Variants in TMEM53 observed in about 807,000 individuals in gnomAD.
The protein encoded by TMEM53 is novel DUF829 domain-containing protein.
TMEM53 carries 14 observed loss-of-function variants against 21.4 expected under a neutral mutation model. The observed-to-expected ratio is 0.65, with a 90% CI of 0.43 to 1.02. The LOEUF is 1.02. TMEM53 is among the 50% of genes least tolerant of loss of function. The pLI is 0.00. For synonymous variants in TMEM53, 148 were observed against 157.4 expected, an observed-to-expected ratio of 0.94 and a Z score of 0.45; for missense variants, 323 against 383.6, an observed-to-expected ratio of 0.84 and a Z score of 1.32.
At chr1:44,659,144 A>G (rs1463731312) in intron 2 of TMEM53, among the ~76,000 whole-genome samples, 1 of 152,224 alleles carries the variant, frequency 6.6e-6, no homozygotes, top group Admixed American at 6.5e-5. Flanking sequence ...CTTCAAGCTC[A>G]GAACTACATT....
Position 44,655,071 on chromosome 1 carries a change from G to C in TMEM53, c.322C>G (p.Leu108Val). 6.2e-7 allele frequency: 1 copy of C among 1,614,224 alleles called. No homozygotes were observed. Among genetic ancestry groups the C allele is most frequent in the Non-Finnish European group, 8.5e-7 (1 of 1,180,038 alleles). Residue 108 changes from leucine (L) to valine (V), a missense_variant, in exon 3 of 3, where the codon CTC becomes GTC. Coordinates refer to ENST00000372237, the MANE Select transcript of TMEM53 (RefSeq NM_024587.4). The surrounding 1 kb of genome is among the most constrained non-coding windows in gnomAD (Gnocchi z 4.4). Reference sequence around the variant, plus strand: ...CCACCGTTGCTGAAGACATGGAAGAGCAGGGGCTCCTTCTCAATCTCATAA... The same window carrying C: ...CCACCGTTGCTGAAGACATGGAAGACCAGGGGCTCCTTCTCAATCTCATAA... ...FDYEIEKEPL[L>V]FHVFSNGGVM...
At chr1:44,658,296 C>G (rs999701236) in intron 2 of TMEM53, among the ~76,000 whole-genome samples, 2 of 152,092 alleles carry the variant, frequency 1.3e-5, no homozygotes, top group African/African-American at 4.8e-5. Context: ...AAACACACCC[C>G]CCTCTACCCA....
Position 44,654,030 on chromosome 1 carries a change from G to C in TMEM53, c.*529C>G, listed in dbSNP as rs185044633. The C allele has an allele frequency of 6.5e-6, 1 of 152,980 alleles. No individual in the cohort carries two copies. The highest frequency in any genetic ancestry group is 1.5e-5 in the Non-Finnish European group (1 of 68,610). 9.5% of individuals were successfully genotyped at this position (152,980 alleles called of 1,614,324 possible). A position where few individuals can be genotyped will look rare whatever the true frequency, so the allele number is the denominator to read the frequency against. ...TAATCCTAGCACTTTGGGAGGCTGA[G>C]GTGGGAGGATCACTTGAGCCTGGGA... On this transcript the variant is annotated 3_prime_UTR_variant, in exon 3 of 3. Transcript: ENST00000372237. This position sits in a 1 kb window ranked among gnomAD's most constrained non-coding sequence, Gnocchi z 7.0.
At chr1:44,668,054 G>C (rs573444952) in intron 1 of TMEM53, among the ~76,000 whole-genome samples, 3 of 152,198 alleles carry the variant, frequency 2.0e-5, no homozygotes, top group Non-Finnish European at 4.4e-5. Context: ...GGAAGACAAA[G>C]GAATGGGCTG....
chr1:44,667,393 C>T (rs1341987940), intron 1 of TMEM53, among the ~76,000 whole-genome samples: 13 of 151,126 alleles, frequency 8.6e-5, no homozygotes, highest in Admixed American at 2.0e-4. Context: ...CTACAACCTT[C>T]GCCTTCCAGG....
chr1:44,665,983 AAG>A (rs1491318676), intron 1 of TMEM53, among the ~76,000 whole-genome samples: 34,513 of 151,938 alleles, frequency 0.23, 5,136 homozygotes, highest in Middle Eastern at 0.35. Context: ...TGTATCTGAT[AAG>A]GGAGTAATAT....
chr1:44,669,596 C>G (rs1418203398), intron 1 of TMEM53, among the ~76,000 whole-genome samples: 2 of 152,158 alleles, frequency 1.3e-5, no homozygotes, highest in Non-Finnish European at 2.9e-5. Context: ...GTTCTCCCTA[C>G]TTCACAAGGT....
In TMEM53 at chr1:44,674,372, TC is replaced by T; in HGVS notation, c.19del (p.Asp7ThrfsTer32). The T allele has an allele frequency of 6.2e-7, 1 of 1,612,638 alleles. No individual in the cohort carries two copies. The highest frequency in any genetic ancestry group is 8.5e-7 in the Non-Finnish European group (1 of 1,179,228). MASAEL[D>X]YTIEIPDQPC... Reference sequence around the variant, plus strand: ...CTGATCCGGGATCTCGATGGTGTAGTCCAGCTCTGCCGAGGCCATGGTGAAG... The same window carrying T: ...CTGATCCGGGATCTCGATGGTGTAGTCAGCTCTGCCGAGGCCATGGTGAAG... On this transcript the variant is annotated frameshift_variant, in exon 1 of 3. Coordinates refer to ENST00000372237, the MANE Select transcript of TMEM53 (RefSeq NM_024587.4). LOFTEE classifies it high-confidence loss of function.
At chr1:44,656,721 A>G (rs917879649) in intron 2 of TMEM53, among the ~76,000 whole-genome samples, 11 of 90,128 alleles carry the variant, frequency 1.2e-4, no homozygotes, top group African/African-American at 3.2e-4. Flanking sequence ...TCTAAAAAAG[A>G]AAAAAAAAAT....
In TMEM53 at chr1:44,674,437, G is replaced by C. The variant is rs1313791991; in HGVS notation, c.-46C>G. 2 of 1,581,824 alleles carry C rather than the reference G, an allele frequency of 1.3e-6. No individual in the cohort carries two copies. The highest frequency in any genetic ancestry group is 3.7e-5 in the Admixed American group (2 of 54,470). Reference sequence around the variant, plus strand: ...GCACGGGTCTCCAGCCGGAACTCCCGCTTGCGCACCCGTGCCTCACCCGGG... The same window carrying C: ...GCACGGGTCTCCAGCCGGAACTCCCCCTTGCGCACCCGTGCCTCACCCGGG... On this transcript the variant is annotated 5_prime_UTR_variant, in exon 1 of 3. Coordinates refer to ENST00000372237, the MANE Select transcript of TMEM53 (RefSeq NM_024587.4).
At chr1:44,667,167 T>C (rs759421289) in intron 1 of TMEM53, among the ~76,000 whole-genome samples, 11 of 151,192 alleles carry the variant, frequency 7.3e-5, no homozygotes, top group Non-Finnish European at 1.2e-4. Flanking sequence ...AAAGGGTGGA[T>C]TTTATGGTAT....
chr1:44,663,842 T>C (rs1644922812), intron 1 of TMEM53, among the ~76,000 whole-genome samples: 2 of 152,232 alleles, frequency 1.3e-5, no homozygotes, highest in African/African-American at 4.8e-5. Context: ...CACAGCATGA[T>C]GTGTCAGGCA....
intron 1 of TMEM53, among the ~76,000 whole-genome samples, chr1:44,667,425 A>G (rs1460410021): frequency 1.3e-5 from 2 of 150,786 alleles, no homozygotes; most frequent in Non-Finnish European, 2.9e-5. Flanking sequence ...CTCCTGCCTC[A>G]GCCTCCCTAG....
At chr1:44,661,914 C>T (rs1410265881) in intron 1 of TMEM53, among the ~76,000 whole-genome samples, 1 of 152,202 alleles carries the variant, frequency 6.6e-6, no homozygotes, top group Non-Finnish European at 1.5e-5. Context: ...AGTGAATACC[C>T]GCCCCCTCAG....
At chr1:44,673,463 T>C (rs1192075589) in intron 1 of TMEM53, among the ~76,000 whole-genome samples, 1 of 152,214 alleles carries the variant, frequency 6.6e-6, no homozygotes, top group Non-Finnish European at 1.5e-5. Context: ...AGGCTGATCA[T>C]ACTTCAAGGC....
At chr1:44,659,193 C>A (rs1039055054) in intron 2 of TMEM53, among the ~76,000 whole-genome samples, 14 of 152,210 alleles carry the variant, frequency 9.2e-5, no homozygotes, top group Non-Finnish European at 1.9e-4. Flanking sequence ...CCACCACACA[C>A]CTCAGTCAGG....
chr1:44,665,490 G>T (rs1644940975), intron 1 of TMEM53, among the ~76,000 whole-genome samples: 2 of 152,080 alleles, frequency 1.3e-5, no homozygotes, highest in Non-Finnish European at 1.5e-5. Flanking sequence ...CAAAAAATTA[G>T]CTGGGCACGG....
intron 1 of TMEM53, among the ~76,000 whole-genome samples, chr1:44,673,127 A>G (rs1417343526): frequency 6.6e-6 from 1 of 152,250 alleles, no homozygotes; most frequent in East Asian, 1.9e-4. Flanking sequence ...AAACGTGTCC[A>G]AAGTATTTTT....
In TMEM53 at chr1:44,654,896, G is replaced by T; in HGVS notation, c.497C>A (p.Ala166Asp). Residue 166 changes from alanine to aspartate, a missense_variant, in exon 3 of 3, where the codon GCC becomes GAC. Transcript: ENST00000372237. This position sits in a 1 kb window ranked among gnomAD's most constrained non-coding sequence, Gnocchi z 7.0. ...CAGCAGCAACAGGCGCAGCATGGCG[G>T]CCCGGCGCTCCAGGATGGCTGCCAG... The part of the protein sequence containing the change: ...RALAAILERR[A>D]AMLRLLLLVA... 6.2e-7 allele frequency: 1 copy of T among 1,612,448 alleles called. No homozygotes were observed. Among genetic ancestry groups the T allele is most frequent in the Non-Finnish European group, 8.5e-7 (1 of 1,179,622 alleles).
Sources: gnomAD v4.1 joint callset for allele counts (sites outside exome capture counted in the v4.1 genomes callset) on GRCh38, gnomAD v4.1.1 for gene constraint, Gnocchi (gnomAD v3.1) non-coding constraint, MANE v1.5 for transcripts, NCBI Gene and HGNC (gene_info 2026-07-23, HGNC 2026-07-21) for gene names.